Variants in HMCN1 observed in about 807,000 individuals in gnomAD.
HMCN1 encodes the protein hemicentin 1.
Under a neutral mutation model 625.9 loss-of-function variants are expected in HMCN1, and 321 were observed. The observed-to-expected ratio is 0.51, with a 90% CI of 0.47 to 0.56. HMCN1 has a LOEUF of 0.56. HMCN1 is among the 20% of genes least tolerant of loss of function. HMCN1 has a pLI of 0.00. For synonymous variants in HMCN1, 2,425 were observed against 2,417.6 expected (o/e 1.00, Z -0.09); for missense variants, 6,588 against 6,887.3 (o/e 0.96, Z 1.54).
intron 69 of HMCN1, among the ~76,000 whole-genome samples, chr1:186,104,006 A>G (rs937577910): frequency 6.6e-6 from 1 of 152,176 alleles, no homozygotes; most frequent in African/African-American, 2.4e-5. Flanking sequence ...ATGCATATAT[A>G]TAAGGTTTCA....
intron 30 of HMCN1, among the ~76,000 whole-genome samples, chr1:186,012,622 G>A (rs747076099): frequency 1.8e-3 from 269 of 152,124 alleles, no homozygotes; most frequent in Middle Eastern, 3.4e-3. Context: ...CTTTAGACCC[G>A]TTTCTTTTGC....
intron 97 of HMCN1, among the ~76,000 whole-genome samples, chr1:186,155,669 A>C (rs1650956193): frequency 6.6e-6 from 1 of 152,184 alleles, no homozygotes; most frequent in Admixed American, 6.5e-5. Flanking sequence ...GGGTCCCACA[A>C]TATAAAGAAA....
chr1:185,865,606 C>T, intron 3 of HMCN1, 135 bp from the exon 4 acceptor site: 1 of 671,572 alleles, frequency 1.5e-6, no homozygotes. Flanking sequence ...CACACACACA[C>T]ACACACACAC....
chr1:186,177,389 C>T (rs1468576958), intron 103 of HMCN1: 1 of 151,586 alleles, frequency 6.6e-6, no homozygotes, highest in Non-Finnish European at 1.5e-5. Flanking sequence ...AGGGCAATGT[C>T]ATTCAGAAAA....
Position 186,000,608 on chromosome 1 carries a change from C to T in HMCN1, c.4069+369C>T, listed in dbSNP as rs547869006. On this transcript the variant is annotated intron_variant, in intron 26 of 106. Coordinates refer to ENST00000271588, the MANE Select transcript of HMCN1 (RefSeq NM_031935.3). The stretch of plus-strand genomic sequence containing the variant: ...GTGTGTGTGTATGTATGTGTCTTCC[C>T]GGAGATATTTTATGAATATAGAAAG... 4.8e-5 allele frequency among the ~76,000 whole-genome samples: 7 copies of T among 144,878 alleles called. No individual in the cohort carries two copies. In the East Asian group the frequency reaches 1.0e-3, roughly 21 times the overall value.
At chr1:186,053,188 A>G in intron 43 of HMCN1, 114 bp downstream of exon 43, 2 of 936,474 alleles carry the variant, frequency 2.1e-6, no homozygotes, top group Admixed American at 2.1e-5. Flanking sequence ...TGCATACTAA[A>G]TGCTAGACAG....
chr1:186,074,673 C>A, intron 52 of HMCN1, 68 bp from the exon 53 acceptor site: 1 of 1,373,472 alleles, frequency 7.3e-7, no homozygotes, highest in Non-Finnish European at 1.0e-6. Context: ...CAAAAACTAT[C>A]AACTGCATGG....
chr1:186,091,186 T>TA (rs1222418176), intron 64 of HMCN1, among the ~76,000 whole-genome samples: 3 of 152,020 alleles, frequency 2.0e-5, no homozygotes, highest in African/African-American at 7.2e-5. Context: ...TCATTAACTG[T>TA]AATGTTAACT....
rs552573272 is a variant in HMCN1 at position 185,995,751 on chromosome 1, A to G, written c.3778+664A>G. On this transcript the variant is annotated intron_variant, in intron 24 of 106. Coordinates refer to ENST00000271588, the MANE Select transcript of HMCN1 (RefSeq NM_031935.3). Reference sequence around the variant, plus strand: ...CCTATGTTAGATTAGACTATCAAGCAGGACTTCTCTGAGAAGGTGATCTTT... The same window carrying G: ...CCTATGTTAGATTAGACTATCAAGCGGGACTTCTCTGAGAAGGTGATCTTT... Among the ~76,000 whole-genome samples, 11 of 152,288 alleles carry G rather than the reference A, an allele frequency of 7.2e-5. No homozygotes were observed. The East Asian group carries it at 1.9e-3, about 27-fold the overall frequency.
At chr1:185,963,994 C>T in intron 13 of HMCN1, 99 bp downstream of exon 13, 3 of 972,998 alleles carry the variant, frequency 3.1e-6, no homozygotes, top group East Asian at 2.4e-5. Flanking sequence ...GTAATGCATA[C>T]ATGGTATTAT....
rs919272315 is a variant in HMCN1 at position 185,987,522 on chromosome 1, A to G, written c.3026A>G (p.Lys1009Arg). 2 of 1,611,782 alleles carry G rather than the reference A, an allele frequency of 1.2e-6. No individual in the cohort carries two copies. Among genetic ancestry groups the G allele is most frequent in the African/African-American group, 2.7e-5 (2 of 74,882 alleles). ...TLPCKASGNP[K>R]PSVIWSKKGE... Reference sequence around the variant, plus strand: ...CCATGCAAAGCAAGTGGAAATCCCAAACCGTCTGTCATCTGGTCCAAGGTA... The same window carrying G: ...CCATGCAAAGCAAGTGGAAATCCCAGACCGTCTGTCATCTGGTCCAAGGTA... Residue 1009 changes from lysine to arginine, a missense_variant, in exon 20 of 107, where the codon AAA becomes AGA. Physicochemically the swap from Lys to Arg is conservative, Grantham distance 26. Transcript: ENST00000271588.
chr1:185,930,597 GAAA>G (rs1667492906), intron 10 of HMCN1, among the ~76,000 whole-genome samples: 1 of 152,116 alleles, frequency 6.6e-6, no homozygotes, highest in Non-Finnish European at 1.5e-5. Flanking sequence ...GCAGTTTAAA[GAAA>G]AGCCCAAGTT....
chr1:186,065,086 T>C, intron 48 of HMCN1, 152 bp from the exon 49 acceptor site: 1 of 600,754 alleles, frequency 1.7e-6, no homozygotes, highest in South Asian at 2.2e-5. Flanking sequence ...TAAAATAAGT[T>C]AGCTTGCATA....
chr1:185,834,339 A>G (rs749486882), intron 1 of HMCN1, among the ~76,000 whole-genome samples: 12 of 152,198 alleles, frequency 7.9e-5, no homozygotes, highest in Non-Finnish European at 1.2e-4. Context: ...TAATTAAAAT[A>G]CTGATTGGAC....
intron 1 of HMCN1, among the ~76,000 whole-genome samples, chr1:185,736,637 G>T (rs1376458277): frequency 6.6e-6 from 1 of 152,182 alleles, no homozygotes; most frequent in Non-Finnish European, 1.5e-5. Flanking sequence ...GTTATACATG[G>T]ATACCGGACT....
chr1:186,020,792 A>G (rs2102156034), intron 35 of HMCN1, among the ~76,000 whole-genome samples: 1 of 152,228 alleles, frequency 6.6e-6, no homozygotes, highest in South Asian at 2.1e-4. Context: ...CAAATAAAGC[A>G]AAGGTGATCA....
chr1:185,891,186 A>G (rs1665050777), intron 4 of HMCN1, among the ~76,000 whole-genome samples: 1 of 131,264 alleles, frequency 7.6e-6, no homozygotes, highest in Non-Finnish European at 1.5e-5. Context: ...CCATCCTTTT[A>G]TTTTGAGCCT....
chr1:186,056,469 A>G (rs190440888), intron 45 of HMCN1, among the ~76,000 whole-genome samples: 147 of 152,126 alleles, frequency 9.7e-4, no homozygotes, highest in African/African-American at 3.4e-3. Context: ...TGAGTGATTC[A>G]TATTCACAGT....
intron 2 of HMCN1, among the ~76,000 whole-genome samples, chr1:185,859,154 GT>G (rs1662711675): frequency 1.3e-5 from 2 of 151,118 alleles, no homozygotes; most frequent in African/African-American, 4.9e-5. Context: ...GTGTGTGTGT[GT>G]GTGTGTATAA....
Sources: allele counts gnomAD v4.1 joint callset (sites outside exome capture counted in the v4.1 genomes callset), GRCh38; gene constraint gnomAD v4.1.1; transcripts MANE v1.5; gene names NCBI Gene and HGNC (gene_info 2026-07-23, HGNC 2026-07-21).